PCDH15: variants seen among roughly 807,000 people sequenced by gnomAD.
The protein encoded by PCDH15 is protocadherin related 15.
PCDH15 carries 129 observed loss-of-function variants against 178.5 expected under a neutral mutation model. The ratio of observed to expected loss-of-function variants is 0.72; its 90% CI spans 0.63 to 0.84. The LOEUF is 0.84. PCDH15 is among the 40% of genes least tolerant of loss of function. PCDH15 has a pLI of 0.00. For synonymous variants in PCDH15, 800 were observed against 732.0 expected (o/e 1.09, Z -1.50); for missense variants, 2,230 against 2,099.9 (o/e 1.06, Z -1.21).
chr10:55,445,069 CA>C (rs1351359453), intron 2 of PCDH15, among the ~76,000 whole-genome samples: 1 of 151,692 alleles, frequency 6.6e-6, no homozygotes, highest in African/African-American at 2.4e-5. Flanking sequence ...ATGAAACTCC[CA>C]AAAAAAGAAA....
At chr10:54,911,394 A>G (rs1954811096) in intron 2 of PCDH15, among the ~76,000 whole-genome samples, 1 of 152,210 alleles carries the variant, frequency 6.6e-6, no homozygotes, top group Non-Finnish European at 1.5e-5. Flanking sequence ...ATAAATGAAA[A>G]GTTTAGACAT....
intron 4 of PCDH15, among the ~76,000 whole-genome samples, chr10:54,377,604 C>T (rs369764962): frequency 2.0e-4 from 31 of 152,198 alleles, no homozygotes; most frequent in African/African-American, 6.7e-4. Context: ...AAAGTATCAA[C>T]CACTCCATAA....
intron 8 of PCDH15, among the ~76,000 whole-genome samples, chr10:54,295,900 T>C (rs1047690320): frequency 6.6e-6 from 1 of 151,862 alleles, no homozygotes; most frequent in Non-Finnish European, 1.5e-5. Flanking sequence ...ATCCCAGCAC[T>C]TTGGGAGGCC....
chr10:53,875,734 A>AT (rs1438951559), intron 26 of PCDH15, among the ~76,000 whole-genome samples: 1 of 152,212 alleles, frequency 6.6e-6, no homozygotes, highest in East Asian at 1.9e-4. Context: ...CCACTTACCC[A>AT]TTTCTAAGAC....
At position 54,507,174 on chromosome 10, in the gene PCDH15, T is replaced by G. The variant is rs972947254; in HGVS notation, c.157+20638A>C. ...GAAGCATTTGTCTTGCACTTTACTCTACGCAAGCACTTTAATGATCTCACA... is the reference window on the plus strand; with the variant it reads ...GAAGCATTTGTCTTGCACTTTACTCGACGCAAGCACTTTAATGATCTCACA... On this transcript the variant is annotated intron_variant, in intron 3 of 37. Transcript: ENST00000644397. Among the ~76,000 whole-genome samples, 4 of 152,022 alleles carry G rather than the reference T, an allele frequency of 2.6e-5. No homozygotes were observed. The East Asian group carries it at 7.7e-4, about 29-fold the overall frequency.
chr10:53,938,537 T>A (rs2134050359), intron 25 of PCDH15, among the ~76,000 whole-genome samples: 1 of 152,286 alleles, frequency 6.6e-6, no homozygotes, highest in Non-Finnish European at 1.5e-5. Flanking sequence ...TGGGACTAAG[T>A]TTTATTATTT....
chr10:54,178,601 C>T (rs1410486474), intron 13 of PCDH15, among the ~76,000 whole-genome samples: 4 of 151,782 alleles, frequency 2.6e-5, no homozygotes, highest in Admixed American at 6.6e-5. Context: ...GGAAGGAGAA[C>T]TAAAAAACAA....
intron 2 of PCDH15, among the ~76,000 whole-genome samples, chr10:55,054,213 T>A (rs1319739634): frequency 6.6e-6 from 1 of 152,184 alleles, no homozygotes; most frequent in Non-Finnish European, 1.5e-5. Context: ...GTGTCTTTTG[T>A]TCCCCTCTGT....
chr10:55,586,222 A>G (rs747774857), intron 2 of PCDH15, among the ~76,000 whole-genome samples: 3 of 152,126 alleles, frequency 2.0e-5, no homozygotes, highest in Non-Finnish European at 4.4e-5. Context: ...TATATGACTC[A>G]TAAGTGGCAA....
chr10:55,494,517 CTTTTG>C (rs748240785), intron 2 of PCDH15, among the ~76,000 whole-genome samples: 105 of 151,510 alleles, frequency 6.9e-4, no homozygotes, highest in Non-Finnish European at 1.2e-3. Flanking sequence ...CTTTTTCTGT[CTTTTG>C]TTTATTTCCT....
intron 1 of PCDH15, among the ~76,000 whole-genome samples, chr10:54,724,349 G>A (rs569257528): frequency 1.3e-5 from 2 of 151,614 alleles, no homozygotes; most frequent in South Asian, 4.2e-4. Flanking sequence ...ATGCAAAGAT[G>A]GAAATAACAC....
At chr10:54,449,313 T>C (rs1372286094) in intron 3 of PCDH15, among the ~76,000 whole-genome samples, 1 of 151,744 alleles carries the variant, frequency 6.6e-6, no homozygotes, top group Non-Finnish European at 1.5e-5. Context: ...TATCCATAAA[T>C]TACTAGGGGC....
rs1041430853 is a variant in PCDH15 at position 54,717,492 on chromosome 10, C to CA, written c.-28-53203dup. On this transcript the variant is annotated intron_variant, in intron 1 of 37. Transcript: ENST00000644397. ...TCCCAAAAGAAGATATTTATGCAGC[C>CA]AAAAAACGCATGAAAAAATGCTCAC... Among the ~76,000 whole-genome samples, 5 of 146,218 alleles carry CA rather than the reference C, an allele frequency of 3.4e-5. 1 individual carries two copies. The highest frequency in any genetic ancestry group is 2.0e-4 in the East Asian group (1 of 5,102).
At chr10:53,928,856 CTT>C (rs773353112) in intron 25 of PCDH15, among the ~76,000 whole-genome samples, 12 of 151,544 alleles carry the variant, frequency 7.9e-5, no homozygotes, top group Admixed American at 3.3e-4. Flanking sequence ...ACTAAAAAGG[CTT>C]AGAAAAAAAA....
At chr10:54,836,135 C>A (rs1953311949) in intron 3 of PCDH15, among the ~76,000 whole-genome samples, 1 of 152,092 alleles carries the variant, frequency 6.6e-6, no homozygotes, top group African/African-American at 2.4e-5. Flanking sequence ...AGATTCATCA[C>A]CAATGTCTAA....
At chr10:55,205,450 A>C (rs1187383487) in intron 1 of PCDH15, among the ~76,000 whole-genome samples, 1 of 150,692 alleles carries the variant, frequency 6.6e-6, no homozygotes, top group Non-Finnish European at 1.5e-5. Context: ...AGGAGATCTA[A>C]TATATATATG....
At chr10:54,533,997 C>A (rs1457008808) in intron 2 of PCDH15, among the ~76,000 whole-genome samples, 1 of 151,930 alleles carries the variant, frequency 6.6e-6, no homozygotes, top group Admixed American at 6.6e-5. Context: ...TCTTGTATTT[C>A]ATTAATGGGG....
chr10:55,288,605 C>T (rs945345593), intron 1 of PCDH15, among the ~76,000 whole-genome samples: 2 of 151,960 alleles, frequency 1.3e-5, no homozygotes, highest in Non-Finnish European at 2.9e-5. Context: ...AAATAGATAA[C>T]TCACATAAGT....
chr10:55,256,509 T>C (rs181820665), intron 1 of PCDH15, among the ~76,000 whole-genome samples: 1 of 152,070 alleles, frequency 6.6e-6, no homozygotes, highest in Non-Finnish European at 1.5e-5. Context: ...ACCTGGAAAA[T>C]CGGGTCACTC....
Sources: gnomAD v4.1 joint callset for allele counts (sites outside exome capture counted in the v4.1 genomes callset) on GRCh38, gnomAD v4.1.1 for gene constraint, MANE v1.5 for transcripts, NCBI Gene and HGNC (gene_info 2026-07-23, HGNC 2026-07-21) for gene names.